PTPRA: variants seen among roughly 807,000 people sequenced by gnomAD.
The protein encoded by PTPRA is receptor-type tyrosine-protein phosphatase alpha.
In PTPRA, 25 loss-of-function variants were observed where a neutral mutation model predicts 104.8. The observed-to-expected ratio is 0.24, with a 90% CI of 0.17 to 0.33. The LOEUF is 0.33. Among genes scored for constraint, PTPRA ranks in the 10% least tolerant of loss-of-function variants. The pLI is 1.00. For synonymous variants in PTPRA, 323 were observed against 368.9 expected (o/e 0.88, Z 1.43); for missense variants, 765 against 1,015.3 (o/e 0.75, Z 3.35).
At position 3,035,311 on chromosome 20, in the gene PTPRA, C is replaced by T. The variant is rs866263351; in HGVS notation, c.1921-274C>T. On this transcript the variant is annotated intron_variant, in intron 20 of 23. Transcript: ENST00000399903. The surrounding 1 kb of genome is among the most constrained non-coding windows in gnomAD (Gnocchi z 5.8). ...TGGAACAAAGATTTTCACTCGTCCT[C>T]CTCTCCCTGCAGCCACCAAGTATTG... 2.0e-5 allele frequency among the ~76,000 whole-genome samples: 3 copies of T among 152,154 alleles called. No homozygotes were observed. The highest frequency in any genetic ancestry group is 2.1e-4 in the South Asian group (1 of 4,828).
chr20:3,012,642 G>A (rs535275099), intron 11 of PTPRA, among the ~76,000 whole-genome samples: 8 of 152,238 alleles, frequency 5.3e-5, no homozygotes, highest in African/African-American at 1.9e-4. Flanking sequence ...GCAGTGAAGA[G>A]GGTTATGTGC....
intron 9 of PTPRA, among the ~76,000 whole-genome samples, chr20:2,998,399 G>A (rs1009941060): frequency 3.9e-5 from 6 of 152,094 alleles, no homozygotes; most frequent in Admixed American, 6.6e-5. Context: ...GGGTGAAATC[G>A]CCTCTACATT....
intron 7 of PTPRA, 59 bp downstream of exon 7, chr20:2,986,908 A>G (rs975282206): frequency 2.6e-5 from 38 of 1,437,570 alleles, no homozygotes; most frequent in African/African-American, 9.8e-5. Flanking sequence ...CAGTGTCCCA[A>G]TGAACCCACA....
At chr20:2,906,747 T>C (rs970887314) in intron 1 of PTPRA, among the ~76,000 whole-genome samples, 1 of 152,182 alleles carries the variant, frequency 6.6e-6, no homozygotes, top group African/African-American at 2.4e-5. Flanking sequence ...TTGACATGTC[T>C]TCACACATAC....
chr20:2,865,518 G>T, the PTPRA span: 10 of 1,606,722 alleles, frequency 6.2e-6, no homozygotes, highest in African/African-American at 1.3e-5. This position sits in a 1 kb window ranked among gnomAD's most constrained non-coding sequence, Gnocchi z 5.2. Flanking sequence ...CCTCCCTCCA[G>T]CCCACTTCCA....
intron 13 of PTPRA, among the ~76,000 whole-genome samples, chr20:3,020,688 A>G (rs1038151123): frequency 8.5e-5 from 13 of 152,136 alleles, no homozygotes; most frequent in African/African-American, 2.7e-4. Flanking sequence ...AGGAATACCT[A>G]TTTGTTACCG....
chr20:2,974,629 C>T (rs2062351313), intron 5 of PTPRA, among the ~76,000 whole-genome samples: 1 of 152,060 alleles, frequency 6.6e-6, no homozygotes, highest in African/African-American at 2.4e-5. Flanking sequence ...GGGGTTTTAC[C>T]ATGTTGGCCA....
chr20:2,988,230 G>A, intron 8 of PTPRA, 108 bp from the exon 9 acceptor site: 2 of 1,527,926 alleles, frequency 1.3e-6, no homozygotes, highest in Non-Finnish European at 1.8e-6. Context: ...GAAGAAAACA[G>A]TCCTAGTTCT....
Position 2,984,802 on chromosome 20 carries a change from C to T in PTPRA, c.443-1963C>T, listed in dbSNP as rs564385696. Among the ~76,000 whole-genome samples, 2 of 152,226 alleles carry T rather than the reference C, an allele frequency of 1.3e-5. 1 individual carries two copies. The highest frequency in any genetic ancestry group is 1.3e-4 in the Admixed American group (2 of 15,286). On this transcript the variant is annotated intron_variant, in intron 6 of 23. Coordinates refer to ENST00000399903, the MANE Select transcript of PTPRA (RefSeq NM_001385305.1). ...CTGAGAGCTACCATGCTTGCTGTTC[C>T]CAGTGTCTAGAAAGCTCTTCACCCA... is the stretch of plus-strand genomic sequence containing the variant.
chr20:3,021,611 CT>C (rs1475769085), intron 14 of PTPRA, among the ~76,000 whole-genome samples, 183 bp downstream of exon 14: 1 of 152,234 alleles, frequency 6.6e-6, no homozygotes, highest in Admixed American at 6.5e-5. Flanking sequence ...ATTTTCATGA[CT>C]GGTGAAAAAT....
intron 20 of PTPRA, among the ~76,000 whole-genome samples, chr20:3,028,661 G>A (rs908154590): frequency 6.6e-6 from 1 of 152,238 alleles, no homozygotes; most frequent in African/African-American, 2.4e-5. Flanking sequence ...GGTTCACTAT[G>A]TCTGGGGTGT....
intron 8 of PTPRA, 111 bp from the exon 9 acceptor site, chr20:2,988,227 A>G: frequency 1.3e-6 from 2 of 1,528,278 alleles, no homozygotes; most frequent in Non-Finnish European, 1.8e-6. Context: ...TTTGAAGAAA[A>G]CAGTCCTAGT....
chr20:2,955,963 T>G (rs2061522183), intron 3 of PTPRA, among the ~76,000 whole-genome samples: 1 of 152,058 alleles, frequency 6.6e-6, no homozygotes, highest in Non-Finnish European at 1.5e-5. Context: ...CTCATCACTT[T>G]CCCCACCACA....
chr20:2,910,773 T>C (rs2059695025), intron 1 of PTPRA, among the ~76,000 whole-genome samples: 1 of 150,796 alleles, frequency 6.6e-6, no homozygotes, highest in Non-Finnish European at 1.5e-5. Context: ...GTCCAGCTAA[T>C]TTTTTGTATT....
At chr20:2,904,666 C>CAAAAAA (rs397865578) in intron 1 of PTPRA, among the ~76,000 whole-genome samples, 2 of 66,050 alleles carry the variant, frequency 3.0e-5, no homozygotes, top group African/African-American at 6.0e-5. Context: ...GACTCCGTCT[C>CAAAAAA]AAAAAAAAAA....
chr20:2,927,651 G>A (rs960431927), intron 2 of PTPRA, among the ~76,000 whole-genome samples: 9 of 152,100 alleles, frequency 5.9e-5, no homozygotes, highest in African/African-American at 1.9e-4. Flanking sequence ...CTTTGACGGG[G>A]GTGCAGGGGA....
At chr20:2,919,384 A>G (rs2060022172) in intron 1 of PTPRA, among the ~76,000 whole-genome samples, 1 of 152,218 alleles carries the variant, frequency 6.6e-6, no homozygotes, top group African/African-American at 2.4e-5. Flanking sequence ...GAATAAAGAA[A>G]GATTCAAATT....
At chr20:3,009,691 A>G (rs115142417) in intron 11 of PTPRA, among the ~76,000 whole-genome samples, 108 of 152,338 alleles carry the variant, frequency 7.1e-4, no homozygotes, top group African/African-American at 2.6e-3. Flanking sequence ...GAGAAAGGCT[A>G]GTAATCAGCA....
intron 9 of PTPRA, among the ~76,000 whole-genome samples, chr20:3,001,419 C>G (rs1382776497): frequency 6.6e-6 from 1 of 152,168 alleles, no homozygotes; most frequent in East Asian, 1.9e-4. Context: ...GAGATGTAGT[C>G]TTTGTTATTC....
Sources: allele counts gnomAD v4.1 joint callset (sites outside exome capture counted in the v4.1 genomes callset), GRCh38; gene constraint gnomAD v4.1.1; non-coding constraint Gnocchi (gnomAD v3.1); transcripts MANE v1.5; gene names NCBI Gene and HGNC (gene_info 2026-07-23, HGNC 2026-07-21).